UNC79: variants seen among roughly 807,000 people sequenced by gnomAD.
The protein encoded by UNC79 is unc-79 subunit of NALCN channel complex, also known as protein unc-79 homolog.
UNC79 carries 37 observed loss-of-function variants against 283.1 expected under a neutral mutation model. The ratio of observed to expected loss-of-function variants is 0.13; its 90% CI spans 0.10 to 0.17. The LOEUF is 0.17. Among genes scored for constraint, UNC79 ranks in the 10% least tolerant of loss-of-function variants. The pLI is 1.00. For missense variants in UNC79, 2,272 were observed against 3,211.1 expected, an observed-to-expected ratio of 0.71 and a Z score of 7.07; for synonymous variants, 1,107 against 1,200.2, an observed-to-expected ratio of 0.92 and a Z score of 1.61.
chr14:93,694,994 T>C (rs2074986624), intron 47 of UNC79, among the ~76,000 whole-genome samples: 1 of 152,160 alleles, frequency 6.6e-6, no homozygotes, highest in Non-Finnish European at 1.5e-5. Flanking sequence ...ATTCAAGCAT[T>C]TGTCATCTCC....
At chr14:93,533,873 C>G (rs1156737143) in intron 11 of UNC79, among the ~76,000 whole-genome samples, 1 of 152,206 alleles carries the variant, frequency 6.6e-6, no homozygotes, top group Non-Finnish European at 1.5e-5. Flanking sequence ...AATATGCTCA[C>G]CATTTTATAT....
At chr14:93,541,727 C>T (rs8017410) in intron 13 of UNC79, among the ~76,000 whole-genome samples, 39,115 of 151,990 alleles carry the variant, frequency 0.26, 5,594 homozygotes, top group East Asian at 0.69. Context: ...ATTTATGGGC[C>T]GGGAGCGGTG....
chr14:93,697,665 G>A (rs1595129642), intron 47 of UNC79, among the ~76,000 whole-genome samples: 1 of 152,130 alleles, frequency 6.6e-6, no homozygotes, highest in African/African-American at 2.4e-5. Context: ...TAGTGCTTTG[G>A]AGGGCCAAGG....
intron 1 of UNC79, among the ~76,000 whole-genome samples, chr14:93,354,985 T>C (rs1328677622): frequency 1.3e-5 from 2 of 152,014 alleles, no homozygotes; most frequent in Admixed American, 1.3e-4. Context: ...CCACCAGAGA[T>C]AGACATGGAA....
At chr14:93,429,421 C>G (rs906824678), upstream of UNC79, among the ~76,000 whole-genome samples, 5 of 152,156 alleles carry the variant, frequency 3.3e-5, no homozygotes, top group African/African-American at 1.2e-4. Context: ...ATTCACTAAC[C>G]CTTTATGAAC....
intron 20 of UNC79, among the ~76,000 whole-genome samples, chr14:93,583,513 C>T (rs924859643): frequency 6.6e-5 from 10 of 152,126 alleles, no homozygotes; most frequent in Non-Finnish European, 8.8e-5. Flanking sequence ...TCGGTCAGAA[C>T]TAACTGCTTC....
chr14:93,411,382 A>G (rs547156703), intron 1 of UNC79, among the ~76,000 whole-genome samples: 31 of 152,308 alleles, frequency 2.0e-4, no homozygotes, highest in Non-Finnish European at 7.4e-5. Context: ...TGCTGCCCTG[A>G]AGGGAAGGAC....
At chr14:93,494,521 T>C (rs754980809) in intron 5 of UNC79, among the ~76,000 whole-genome samples, 1 of 152,164 alleles carries the variant, frequency 6.6e-6, no homozygotes, top group Non-Finnish European at 1.5e-5. Context: ...ATTAGGTAGT[T>C]GTATTATGGG....
At chr14:93,613,499 C>T (rs2066461469) in intron 27 of UNC79, among the ~76,000 whole-genome samples, 1 of 143,910 alleles carries the variant, frequency 6.9e-6, no homozygotes, top group African/African-American at 2.6e-5. Context: ...CGCTGCAAGT[C>T]CGCTTCCCGG....
At chr14:93,630,903 T>C (rs1188005668) in exon 31 of UNC79, 2 of 1,613,322 alleles carry the variant, frequency 1.2e-6, no homozygotes, top group Non-Finnish European at 1.7e-6. Context: ...CATTCCTCAA[T>C]ATCAAGTAAG....
chr14:93,611,330 C>T (rs911921136), intron 26 of UNC79, among the ~76,000 whole-genome samples: 5 of 142,412 alleles, frequency 3.5e-5, no homozygotes, highest in Admixed American at 1.4e-4. Context: ...GAGGCTCTTA[C>T]GCTAAGCTGT....
intron 1 of UNC79, among the ~76,000 whole-genome samples, chr14:93,407,859 A>T (rs923228348): frequency 6.6e-6 from 1 of 152,214 alleles, no homozygotes; most frequent in Non-Finnish European, 1.5e-5. Flanking sequence ...ACGATTTAAG[A>T]AGGCATTTTT....
intron 14 of UNC79, among the ~76,000 whole-genome samples, chr14:93,559,939 C>T (rs935389808): frequency 6.6e-6 from 1 of 151,558 alleles, no homozygotes; most frequent in Non-Finnish European, 1.5e-5. Flanking sequence ...AGATAATGGG[C>T]GATGTTTCTC....
chr14:93,526,544 C>G (rs144779512), intron 8 of UNC79, among the ~76,000 whole-genome samples: 2 of 151,982 alleles, frequency 1.3e-5, no homozygotes, highest in Non-Finnish European at 2.9e-5. Context: ...TTTCTTTTTT[C>G]CCTTTCTCGG....
intron 7 of UNC79, among the ~76,000 whole-genome samples, chr14:93,513,982 G>A (rs952608510): frequency 2.0e-5 from 3 of 152,176 alleles, no homozygotes; most frequent in Non-Finnish European, 2.9e-5. Flanking sequence ...AAGACATACA[G>A]TAGAAAGAAG....
At chr14:93,582,325 C>G (rs371728120) in exon 20 of UNC79, 2 of 1,613,964 alleles carry the variant, frequency 1.2e-6, no homozygotes, top group South Asian at 1.1e-5. Flanking sequence ...GCAACTGCAC[C>G]GAGCCCGTGG....
At chr14:93,498,294 A>T (rs11160121) in intron 7 of UNC79, among the ~76,000 whole-genome samples, 46,354 of 151,004 alleles carry the variant, frequency 0.31, 7,468 homozygotes, top group East Asian at 0.65. Flanking sequence ...TAATAAATAA[A>T]AAATAAAAAA....
rs918886850 is a variant in UNC79 at position 93,347,453 on chromosome 14, C to A, written c.-351+13930C>A. On this transcript the variant is annotated intron_variant, in intron 1 of 49. Coordinates refer to the UNC79 transcript ENST00000256339. ...AAGCGCGTGGCCCTGGCGGGGCGCC[C>A]CGACGGGTGGGGAGAAGGGAGGACA... The A allele has an allele frequency of 1.7e-5, 23 of 1,390,250 alleles. No individual in the cohort carries two copies. The Admixed American group carries it at 2.6e-4, about 16-fold the overall frequency. The allele number at this position is 1,390,250 out of a possible 1,614,324, so 86.1% of individuals were successfully genotyped here. A position where few individuals can be genotyped will look rare whatever the true frequency, so the allele number is the denominator to read the frequency against.
chr14:93,365,546 A>G (rs771064733), intron 1 of UNC79, among the ~76,000 whole-genome samples: 1 of 152,162 alleles, frequency 6.6e-6, no homozygotes, highest in Non-Finnish European at 1.5e-5. Flanking sequence ...AAGCAAACAT[A>G]TTCTCATAGA....
Sources: allele counts gnomAD v4.1 joint callset (sites outside exome capture counted in the v4.1 genomes callset), GRCh38; gene constraint gnomAD v4.1.1; transcripts MANE v1.5; gene names NCBI Gene and HGNC (gene_info 2026-07-23, HGNC 2026-07-21).